Variants in ENDOD1 observed in about 807,000 individuals in gnomAD.
ENDOD1 encodes the protein endonuclease domain containing 1.
ENDOD1 carries 9 observed loss-of-function variants against 6.5 expected under a neutral mutation model. The ratio of observed to expected loss-of-function variants is 1.39; its 90% CI spans 0.84 to 2.43. ENDOD1 has a LOEUF of 2.43. ENDOD1 is among the 30% of genes most tolerant of loss of function. The pLI is 0.00. For synonymous variants in ENDOD1, 255 were observed against 255.2 expected (o/e 1.00, Z 0.01); for missense variants, 648 against 635.5 (o/e 1.02, Z -0.21).
At position 95,105,744 on chromosome 11, in the gene ENDOD1, A is replaced by G. The variant is rs75999831; in HGVS notation, c.300+15517A>G. Among the ~76,000 whole-genome samples the G allele has an allele frequency of 7.6e-3, 1,155 of 152,348 alleles. 12 individuals are homozygous for G. Among genetic ancestry groups the G allele is most frequent in the Middle Eastern group, 0.041 (12 of 294 alleles). On this transcript the variant is annotated intron_variant, in intron 1 of 1. Coordinates refer to ENST00000278505, the MANE Select transcript of ENDOD1 (RefSeq NM_015036.3). The stretch of plus-strand genomic sequence containing the variant: ...CTTCATCCATGTCCCTGCAAAGGAC[A>G]AGATCTCATTCCTTTTTAATTTGCA...
At chr11:95,100,154 C>G (rs1354945532) in intron 1 of ENDOD1, among the ~76,000 whole-genome samples, 13 of 152,282 alleles carry the variant, frequency 8.5e-5, no homozygotes, top group Middle Eastern at 3.4e-3. Context: ...CTTTCTGCTC[C>G]TTAGTGGACA....
At chr11:95,093,971 A>C (rs1236437277) in intron 1 of ENDOD1, among the ~76,000 whole-genome samples, 1 of 152,128 alleles carries the variant, frequency 6.6e-6, no homozygotes, top group Non-Finnish European at 1.5e-5. Context: ...GGAAGCCTCA[A>C]ACCTTTTAGT....
Position 95,129,643 on chromosome 11 carries a change from A to T in ENDOD1, c.*64A>T, listed in dbSNP as rs1325779145. On this transcript the variant is annotated 3_prime_UTR_variant, in exon 2 of 2. Coordinates refer to ENST00000278505, the MANE Select transcript of ENDOD1 (RefSeq NM_015036.3). ...AAAGCTGGAATAGTTTGTCTTTACA[A>T]TGGGTTTCTGTTCACTGTCAGTTAT... 6.6e-7 allele frequency: 1 copy of T among 1,526,628 alleles called. No homozygotes were observed. 94.6% of individuals were successfully genotyped at this position (1,526,628 alleles called of 1,614,324 possible). A position where few individuals can be genotyped will look rare whatever the true frequency, so the allele number is the denominator to read the frequency against.
intron 1 of ENDOD1, among the ~76,000 whole-genome samples, chr11:95,101,093 G>A (rs1172424757): frequency 6.6e-6 from 1 of 152,140 alleles, no homozygotes; most frequent in African/African-American, 2.4e-5. Flanking sequence ...CACAAAGACA[G>A]CAAACTTGTT....
chr11:95,125,676 G>A (rs933311537), intron 1 of ENDOD1, among the ~76,000 whole-genome samples: 2 of 141,338 alleles, frequency 1.4e-5, no homozygotes, highest in East Asian at 2.1e-4. Context: ...TCCCACCTAT[G>A]AGTGAGAACA....
At chr11:95,104,657 C>A (rs373292383) in intron 1 of ENDOD1, among the ~76,000 whole-genome samples, 7 of 152,090 alleles carry the variant, frequency 4.6e-5, no homozygotes, top group African/African-American at 1.7e-4. Flanking sequence ...CAAGCTTACT[C>A]AAGGGAAGGG....
chr11:95,109,776 C>T (rs1859128875), intron 1 of ENDOD1, among the ~76,000 whole-genome samples: 1 of 152,272 alleles, frequency 6.6e-6, no homozygotes, highest in Admixed American at 6.5e-5. Flanking sequence ...CCCATCACCA[C>T]TGAGCCTGTC....
In ENDOD1 at chr11:95,129,341, C is replaced by T; in HGVS notation, c.1265C>T (p.Ala422Val). The T allele has an allele frequency of 6.2e-7, 1 of 1,614,166 alleles. No individual in the cohort carries two copies. The highest frequency in any genetic ancestry group is 8.5e-7 in the Non-Finnish European group (1 of 1,180,022). The change falls in exon 2 of 2, where the codon GCC becomes GTC. Residue 422 changes from alanine (A) to valine (V), a missense_variant. Transcript: ENST00000278505. ...LLRILCCLLK[A>V]ICRVLSIPVR... ...CGGATCCTTTGTTGTCTGCTGAAGGCCATTTGCCGAGTTCTGAGCATCCCT... is the reference window on the plus strand; with the variant it reads ...CGGATCCTTTGTTGTCTGCTGAAGGTCATTTGCCGAGTTCTGAGCATCCCT...
intron 1 of ENDOD1, among the ~76,000 whole-genome samples, chr11:95,112,979 C>T (rs1029464741): frequency 4.6e-5 from 7 of 150,562 alleles, no homozygotes; most frequent in African/African-American, 1.7e-4. Flanking sequence ...CACGTGGTCC[C>T]GTCACATACT....
chr11:95,089,940 CGCTGGCTCGCGCTGGGCA>C lies in ENDOD1; in HGVS notation c.16_33del (p.Trp6_Ser11del), dbSNP rs1555109609. The stretch of plus-strand genomic sequence containing the variant: ...CGCAGAGGCCGCCATGGGCACCGCG[CGCTGGCTCGCGCTGGGCA>C]GCCTCTTCGCCCTGGCTGGGCTGCT... On this transcript the variant is annotated inframe_deletion, in exon 1 of 2. Coordinates refer to ENST00000278505, the MANE Select transcript of ENDOD1 (RefSeq NM_015036.3). 6.9e-7 allele frequency: 1 copy of C among 1,442,562 alleles called. No homozygotes were observed. Among genetic ancestry groups the C allele is most frequent in the South Asian group, 1.4e-5 (1 of 71,414 alleles). The allele number at this position is 1,442,562 out of a possible 1,614,324, so 89.4% of individuals were successfully genotyped here. A position where few individuals can be genotyped will look rare whatever the true frequency, so the allele number is the denominator to read the frequency against.
chr11:95,103,646 A>T (rs1271427253), intron 1 of ENDOD1, among the ~76,000 whole-genome samples: 1 of 152,212 alleles, frequency 6.6e-6, no homozygotes, highest in Non-Finnish European at 1.5e-5. Context: ...AGAGTGGTTA[A>T]GAAAATGGGT....
intron 1 of ENDOD1, among the ~76,000 whole-genome samples, chr11:95,102,948 AG>A (rs1480364470): frequency 6.6e-6 from 1 of 152,202 alleles, no homozygotes; most frequent in Admixed American, 6.5e-5. Flanking sequence ...TTGAGTTGAC[AG>A]TGATGTCTCT....
intron 1 of ENDOD1, among the ~76,000 whole-genome samples, chr11:95,103,941 C>A (rs1206332519): frequency 6.6e-6 from 1 of 152,228 alleles, no homozygotes; most frequent in Non-Finnish European, 1.5e-5. Flanking sequence ...GCTCCTGTGT[C>A]TGTGGGGTGT....
chr11:95,114,380 T>G (rs528315288), intron 1 of ENDOD1, among the ~76,000 whole-genome samples: 4 of 152,310 alleles, frequency 2.6e-5, no homozygotes, highest in South Asian at 4.1e-4. Flanking sequence ...TGTTTGAACT[T>G]CTTATATATG....
chr11:95,090,266 G>T, intron 1 of ENDOD1, 39 bp downstream of exon 1: 5 of 1,357,840 alleles, frequency 3.7e-6, no homozygotes, highest in Non-Finnish European at 4.7e-6. Flanking sequence ...GCGGGCGCCG[G>T]AGACCGTGCC....
At position 95,090,152 on chromosome 11, in the gene ENDOD1, C is replaced by A. The variant is rs1373131657; in HGVS notation, c.225C>A (p.Ile75=). ...CCCTCTACAGCACCCGGGACCGCAT[C>A]CCCGTGTACTCCGCGTTCCGCGCCC... The part of the protein sequence containing the change: ...FATLYSTRDR[I]PVYSAFRAPR... The change falls in exon 1 of 2, where the codon ATC becomes ATA. Residue 75 remains isoleucine (I), a synonymous_variant. Coordinates refer to ENST00000278505, the MANE Select transcript of ENDOD1 (RefSeq NM_015036.3). 1.3e-6 allele frequency: 2 copies of A among 1,486,840 alleles called. No homozygotes were observed. Among genetic ancestry groups the A allele is most frequent in the Non-Finnish European group, 1.8e-6 (2 of 1,109,212 alleles). 92.1% of individuals were successfully genotyped at this position (1,486,840 alleles called of 1,614,324 possible).
chr11:95,113,020 C>G (rs79206646), intron 1 of ENDOD1, among the ~76,000 whole-genome samples: 1 of 141,662 alleles, frequency 7.1e-6, no homozygotes, highest in African/African-American at 2.6e-5. Flanking sequence ...ATTACTGAAG[C>G]TTTTTTTTTT....
rs1309305481 is a variant in ENDOD1, at chr11:95,129,666, TATC to T, written c.*90_*92del. On this transcript the variant is annotated 3_prime_UTR_variant, in exon 2 of 2. Transcript: ENST00000278505. ...CAATGGGTTTCTGTTCACTGTCAGT[TATC>T]ATTATATTTTGGCCTTTGGTGGGGA... The T allele has an allele frequency of 2.1e-6, 3 of 1,454,322 alleles. No individual in the cohort carries two copies. The highest frequency in any genetic ancestry group is 2.8e-6 in the Non-Finnish European group (3 of 1,078,108). 90.1% of individuals were successfully genotyped at this position (1,454,322 alleles called of 1,614,324 possible). A position where few individuals can be genotyped will look rare whatever the true frequency, so the allele number is the denominator to read the frequency against.
At chr11:95,093,523 A>G (rs1858951489) in intron 1 of ENDOD1, among the ~76,000 whole-genome samples, 2 of 152,118 alleles carry the variant, frequency 1.3e-5, no homozygotes, top group South Asian at 2.1e-4. Context: ...TTCTATTTTC[A>G]TACTTACCAT....
Sources: allele counts gnomAD v4.1 joint callset (sites outside exome capture counted in the v4.1 genomes callset), GRCh38; gene constraint gnomAD v4.1.1; transcripts MANE v1.5; gene names NCBI Gene and HGNC (gene_info 2026-07-23, HGNC 2026-07-21).